Variants in NTN4 observed in about 807,000 individuals in gnomAD.
The protein encoded by NTN4 is netrin 4.
In NTN4, 32 loss-of-function variants were observed where a neutral mutation model predicts 73.6. That is an observed-to-expected ratio of 0.44 (90% confidence interval 0.33 to 0.58). NTN4 has a LOEUF of 0.58. Among genes scored for constraint, NTN4 ranks in the 20% least tolerant of loss-of-function variants. The pLI is 0.04. For synonymous variants in NTN4, 258 were observed against 287.5 expected (o/e 0.90, Z 1.04); for missense variants, 654 against 798.3 (o/e 0.82, Z 2.18).
At chr12:95,724,186 TAATA>T (rs951884992) in intron 3 of NTN4, among the ~76,000 whole-genome samples, 4 of 152,214 alleles carry the variant, frequency 2.6e-5, no homozygotes, top group African/African-American at 9.6e-5. Context: ...CTGGGGACTG[TAATA>T]AATATTTCTG....
chr12:95,713,088 GTT>G, intron 4 of NTN4, 122 bp downstream of exon 4: 2 of 1,162,828 alleles, frequency 1.7e-6, no homozygotes, highest in Non-Finnish European at 2.4e-6. Context: ...ATATGGCTAT[GTT>G]TGTGTAGGGT....
chr12:95,755,244 G>A (rs540913134), intron 2 of NTN4, among the ~76,000 whole-genome samples: 1 of 152,290 alleles, frequency 6.6e-6, no homozygotes, highest in South Asian at 2.1e-4. Context: ...TACCAGAGTT[G>A]AAAAACCCAA....
At chr12:95,702,328 A>G (rs903329369) in intron 5 of NTN4, among the ~76,000 whole-genome samples, 1 of 151,604 alleles carries the variant, frequency 6.6e-6, no homozygotes, top group Non-Finnish European at 1.5e-5. Flanking sequence ...AAAAGAAATC[A>G]GGACAAACTG....
In NTN4 at chr12:95,667,646, G is replaced by C. The variant is rs11108181; in HGVS notation, c.1580-1666C>G. Among the ~76,000 whole-genome samples, 1,516 of 152,060 alleles carry C rather than the reference G, an allele frequency of 1.0e-2. 23 individuals carry two copies. The highest frequency in any genetic ancestry group is 0.034 in the African/African-American group (1,426 of 41,448). On this transcript the variant is annotated intron_variant, in intron 8 of 9. Coordinates refer to ENST00000343702, the MANE Select transcript of NTN4 (RefSeq NM_021229.4). ...GAGGTAGGCGGATCACCTGAGGTCAGGACTTTGAGACCAGCCTGGCCAACA... is the reference window on the plus strand; with the variant it reads ...GAGGTAGGCGGATCACCTGAGGTCACGACTTTGAGACCAGCCTGGCCAACA...
intron 7 of NTN4, chr12:95,672,532 A>G (rs1156991091): frequency 6.5e-7 from 1 of 1,526,974 alleles, no homozygotes; most frequent in Non-Finnish European, 9.0e-7. Flanking sequence ...CATTGATCAG[A>G]TGTGGCCCAC....
At chr12:95,750,883 G>C (rs1406888209) in intron 2 of NTN4, among the ~76,000 whole-genome samples, 1 of 152,042 alleles carries the variant, frequency 6.6e-6, no homozygotes, top group Non-Finnish European at 1.5e-5. Context: ...GTTTCCTTCC[G>C]TGACTAGCCC....
chr12:95,666,229 A>G (rs2078178661), intron 8 of NTN4, among the ~76,000 whole-genome samples: 1 of 152,162 alleles, frequency 6.6e-6, no homozygotes, highest in Non-Finnish European at 1.5e-5. Flanking sequence ...AGCTATGAGG[A>G]TGCAAAGACC....
At position 95,700,515 on chromosome 12, in the gene NTN4, A is replaced by G. The variant is rs940463166; in HGVS notation, c.1180+9926T>C. 4.6e-5 allele frequency among the ~76,000 whole-genome samples: 7 copies of G among 152,252 alleles called. 1 individual carries two copies. Among genetic ancestry groups the G allele is most frequent in the Admixed American group, 3.3e-4 (5 of 15,290 alleles). ...GACCCACAGCCAGGTTTGGGAACCA[A>G]TGACTTGAGGTGAGAGAAGTGGGGC... On this transcript the variant is annotated intron_variant, in intron 5 of 9. Transcript: ENST00000343702.
chr12:95,768,454 C>A (rs1434806949), intron 2 of NTN4, among the ~76,000 whole-genome samples: 1 of 151,858 alleles, frequency 6.6e-6, no homozygotes, highest in Admixed American at 6.6e-5. Flanking sequence ...CCCCACCAAG[C>A]CAAGGAGGGT....
intron 9 of NTN4, 118 bp from the exon 10 acceptor site, chr12:95,659,340 G>T: frequency 4.2e-6 from 3 of 721,872 alleles, no homozygotes; most frequent in South Asian, 2.3e-5. Context: ...CTGTTACCCA[G>T]GCTGGAGTGT....
chr12:95,784,093 G>A (rs1174734116), intron 2 of NTN4, among the ~76,000 whole-genome samples: 2 of 152,158 alleles, frequency 1.3e-5, no homozygotes, highest in Admixed American at 6.5e-5. Context: ...CTATAATATT[G>A]CAAATAAGCC....
intron 9 of NTN4, among the ~76,000 whole-genome samples, chr12:95,659,610 T>TG (rs2078120291): frequency 6.6e-6 from 1 of 152,144 alleles, no homozygotes; most frequent in Non-Finnish European, 1.5e-5. Flanking sequence ...CTCCAGCAGT[T>TG]TTATATATTC....
At chr12:95,747,072 A>T (rs764461758) in intron 2 of NTN4, among the ~76,000 whole-genome samples, 7 of 152,196 alleles carry the variant, frequency 4.6e-5, no homozygotes, top group Non-Finnish European at 1.0e-4. Flanking sequence ...TTTGTACTCA[A>T]ATATATAGAA....
At chr12:95,742,164 T>C (rs1310023265) in intron 2 of NTN4, among the ~76,000 whole-genome samples, 1 of 152,118 alleles carries the variant, frequency 6.6e-6, no homozygotes, top group Non-Finnish European at 1.5e-5. Context: ...ATATGATCTT[T>C]CTATTCTAGA....
intron 2 of NTN4, among the ~76,000 whole-genome samples, chr12:95,769,520 G>A (rs11836590): frequency 0.35 from 50,156 of 144,508 alleles, 8,808 homozygotes; most frequent in Middle Eastern, 0.51. Context: ...AGATGCCACC[G>A]CAGCCAGTGG....
intron 5 of NTN4, among the ~76,000 whole-genome samples, chr12:95,691,169 A>G (rs1018233010): frequency 6.6e-6 from 1 of 152,254 alleles, no homozygotes; most frequent in Non-Finnish European, 1.5e-5. Flanking sequence ...AATATCTGAC[A>G]CATACAATCT....
In NTN4 at chr12:95,737,978, T is replaced by A; in HGVS notation, c.752A>T (p.Tyr251Phe). ...LNEEPQHFTHYAIYDFIVKGS... is the reference protein window; with the variant it reads ...LNEEPQHFTHFAIYDFIVKGS... ...CTTGACAATGAAATCATAGATTGCA[T>A]AGTGTGTAAAATGTTGAGGCTCTTC... is the stretch of plus-strand genomic sequence containing the variant. The change falls in exon 3 of 10, where the codon TAT (tyrosine) becomes TTT (phenylalanine). Residue 251 changes from tyrosine to phenylalanine, a missense_variant. Transcript: ENST00000343702. 2 of 1,614,058 alleles carry A rather than the reference T, an allele frequency of 1.2e-6. No individual in the cohort carries two copies. Among genetic ancestry groups the A allele is most frequent in the Non-Finnish European group, 1.7e-6 (2 of 1,179,998 alleles).
chr12:95,755,261 T>C (rs2078939944), intron 2 of NTN4, among the ~76,000 whole-genome samples: 2 of 152,228 alleles, frequency 1.3e-5, no homozygotes, highest in African/African-American at 2.4e-5. Flanking sequence ...CCAAAGAGCA[T>C]ACATTCTGTC....
At chr12:95,664,761 T>C (rs2078166772) in intron 9 of NTN4, among the ~76,000 whole-genome samples, 1 of 152,054 alleles carries the variant, frequency 6.6e-6, no homozygotes, top group African/African-American at 2.4e-5. Context: ...TACAGGCACA[T>C]ACCACCATAC....
Sources: gnomAD v4.1 joint callset for allele counts (sites outside exome capture counted in the v4.1 genomes callset) on GRCh38, gnomAD v4.1.1 for gene constraint, MANE v1.5 for transcripts, NCBI Gene and HGNC (gene_info 2026-07-23, HGNC 2026-07-21) for gene names.